The following USH2A variants were observed in gnomAD, a reference collection of about 807,000 sequenced individuals.
USH2A encodes Usher syndrome 2A (autosomal recessive, mild).
In USH2A, 443 loss-of-function variants were observed where a neutral mutation model predicts 538.9. The ratio of observed to expected loss-of-function variants is 0.82; its 90% CI spans 0.76 to 0.89. The LOEUF (loss-of-function observed/expected upper bound fraction) is 0.89, where lower values mean the gene tolerates loss of function less well. USH2A is among the 40% of genes least tolerant of loss of function. USH2A has a pLI of 0.00. For missense variants in USH2A, 6,633 were observed against 6,324.8 expected, an observed-to-expected ratio of 1.05 and a Z score of -1.65; for synonymous variants, 2,413 against 2,273.5, an observed-to-expected ratio of 1.06 and a Z score of -1.75.
intron 32 of USH2A, among the ~76,000 whole-genome samples, chr1:216,021,513 C>T (rs1269700480): frequency 2.0e-5 from 3 of 152,146 alleles, no homozygotes; most frequent in Non-Finnish European, 4.4e-5. Flanking sequence ...ATTACCCAGT[C>T]TTGAGTATGT....
At chr1:216,012,859 C>T (rs1668609388) in intron 32 of USH2A, among the ~76,000 whole-genome samples, 1 of 152,108 alleles carries the variant, frequency 6.6e-6, no homozygotes, top group African/African-American at 2.4e-5. Context: ...TTCCAGACAC[C>T]AGACCAACTT....
chr1:216,418,357 G>T (rs1181428385), intron 3 of USH2A, among the ~76,000 whole-genome samples, 157 bp downstream of exon 3: 1 of 152,024 alleles, frequency 6.6e-6, no homozygotes, highest in Non-Finnish European at 1.5e-5. Flanking sequence ...ACATCATTAG[G>T]TCATTTAAAT....
intron 33 of USH2A, among the ~76,000 whole-genome samples, chr1:215,999,890 C>A (rs1309088794): frequency 6.6e-6 from 1 of 152,070 alleles, no homozygotes; most frequent in African/African-American, 2.4e-5. Flanking sequence ...CAAGTATTAA[C>A]TCTTGATAAG....
At chr1:216,070,448 ACTGCACATCTTGAGCCAT>A (rs1458272126) in intron 29 of USH2A, among the ~76,000 whole-genome samples, 156 bp from the exon 30 acceptor site, 4 of 152,176 alleles carry the variant, frequency 2.6e-5, no homozygotes, top group Non-Finnish European at 5.9e-5. Context: ...ATTTAATATG[ACTGCACATCTTGAGCCAT>A]TCAGTTTAAG....
At chr1:216,062,199 A>T (rs1330568301) in intron 30 of USH2A, among the ~76,000 whole-genome samples, 1 of 152,198 alleles carries the variant, frequency 6.6e-6, no homozygotes, top group Non-Finnish European at 1.5e-5. Flanking sequence ...TGTAAAATTT[A>T]AAAATCACGA....
At chr1:215,728,503 T>A (rs1659898628) in intron 60 of USH2A, 119 bp from the exon 61 acceptor site, 2 of 998,132 alleles carry the variant, frequency 2.0e-6, no homozygotes, top group South Asian at 2.8e-5. Flanking sequence ...AGCTGTTTCT[T>A]CCTGGTGTCA....
chr1:215,878,199 A>G (rs1196324048), intron 42 of USH2A, among the ~76,000 whole-genome samples: 1 of 152,184 alleles, frequency 6.6e-6, no homozygotes, highest in African/African-American at 2.4e-5. Flanking sequence ...AAATACACAA[A>G]GCTTATCAAG....
Position 215,648,598 on chromosome 1 carries a change from C to A in USH2A, c.14512G>T (p.Gly4838Trp). The change falls in exon 66 of 72, where the codon GGG (glycine) becomes TGG (tryptophan). Residue 4838 changes from glycine to tryptophan, a missense_variant. Gly to Trp is a radical substitution (Grantham distance 184). Coordinates refer to ENST00000307340, the MANE Select transcript of USH2A (RefSeq NM_206933.4). Reference sequence around the variant, plus strand: ...GAGGCCGTCCTTGAGGCCAGCGTCCCGATTTGTGGAGAGGACAGTCCTGAG... The same window carrying A: ...GAGGCCGTCCTTGAGGCCAGCGTCCAGATTTGTGGAGAGGACAGTCCTGAG... ...PPSGLSSPQIGTLASRTASFR... is the reference protein window; with the variant it reads ...PPSGLSSPQIWTLASRTASFR... 6.2e-7 allele frequency: 1 copy of A among 1,614,102 alleles called. No homozygotes were observed. Among genetic ancestry groups the A allele is most frequent in the Non-Finnish European group, 8.5e-7 (1 of 1,180,008 alleles).
At position 215,786,646 on chromosome 1, in the gene USH2A, G is replaced by C. The variant is rs754832483; in HGVS notation, c.10387+24C>G. On this transcript the variant is annotated intron_variant, in intron 52 of 71. Transcript: ENST00000307340. Reference sequence around the variant, plus strand: ...TTCTCACTAACCCCATTAAGCCATGGGCAGACAGCTTGCTTTCTGTTACCT... The same window carrying C: ...TTCTCACTAACCCCATTAAGCCATGCGCAGACAGCTTGCTTTCTGTTACCT... 7 of 1,613,086 alleles carry C rather than the reference G, an allele frequency of 4.3e-6. No homozygotes were observed. The South Asian group carries it at 6.6e-5, about 15-fold the overall frequency.
At chr1:215,793,703 G>A (rs77055084) in intron 50 of USH2A, among the ~76,000 whole-genome samples, 4,615 of 152,168 alleles carry the variant, frequency 0.03, 229 homozygotes, top group African/African-American at 0.1. Flanking sequence ...AACAAACAGC[G>A]ATAGTCATTT....
intron 14 of USH2A, among the ~76,000 whole-genome samples, chr1:216,226,938 T>A (rs2035574573): frequency 3.3e-5 from 5 of 152,154 alleles, no homozygotes; most frequent in Admixed American, 2.0e-4. Flanking sequence ...CAGTTAGATT[T>A]GCCAGGTCTA....
At chr1:216,100,927 A>T (rs186986238) in intron 21 of USH2A, among the ~76,000 whole-genome samples, 4 of 152,340 alleles carry the variant, frequency 2.6e-5, no homozygotes, top group African/African-American at 9.6e-5. Context: ...TGCAACTAAA[A>T]TATAATATTT....
At chr1:216,304,469 T>TC (rs924978081) in intron 9 of USH2A, among the ~76,000 whole-genome samples, 1 of 152,034 alleles carries the variant, frequency 6.6e-6, no homozygotes, top group African/African-American at 2.4e-5. Context: ...TCTTTTTTTT[T>TC]CACTATTTCA....
At chr1:216,278,492 A>C (rs1211285671) in intron 11 of USH2A, among the ~76,000 whole-genome samples, 4 of 152,158 alleles carry the variant, frequency 2.6e-5, no homozygotes, top group Non-Finnish European at 5.9e-5. Flanking sequence ...ATATTACTCA[A>C]TTTACCAGCT....
intron 3 of USH2A, among the ~76,000 whole-genome samples, chr1:216,378,566 A>G (rs2038877312): frequency 6.6e-6 from 1 of 152,188 alleles, no homozygotes; most frequent in Non-Finnish European, 1.5e-5. Flanking sequence ...TTGACACCTC[A>G]GAGAGCCCCC....
chr1:215,917,440 T>G (rs150596798), intron 38 of USH2A, among the ~76,000 whole-genome samples: 18 of 152,140 alleles, frequency 1.2e-4, no homozygotes, highest in African/African-American at 4.3e-4. Context: ...ACTGTTCAAT[T>G]AATTCTATTT....
At chr1:216,054,801 G>C (rs751096174) in intron 30 of USH2A, among the ~76,000 whole-genome samples, 2 of 152,076 alleles carry the variant, frequency 1.3e-5, no homozygotes, top group Non-Finnish European at 2.9e-5. Flanking sequence ...AAACACCTTG[G>C]CCTGTCTGTA....
chr1:215,977,078 A>G (rs1667636344), intron 35 of USH2A, among the ~76,000 whole-genome samples: 1 of 151,698 alleles, frequency 6.6e-6, no homozygotes, highest in South Asian at 2.1e-4. Flanking sequence ...CTCAGAGACT[A>G]TTATAAACAC....
intron 18 of USH2A, among the ~76,000 whole-genome samples, 159 bp downstream of exon 18, chr1:216,198,156 T>C (rs2034893239): frequency 6.6e-6 from 1 of 152,198 alleles, no homozygotes; most frequent in South Asian, 2.1e-4. Context: ...CCTTGAGTTG[T>C]TTATGTAACA....
Sources: allele counts gnomAD v4.1 joint callset (sites outside exome capture counted in the v4.1 genomes callset), GRCh38; gene constraint gnomAD v4.1.1; transcripts MANE v1.5; gene names NCBI Gene and HGNC (gene_info 2026-07-23, HGNC 2026-07-21).